The following FER1L5 variants were observed in gnomAD, a reference collection of about 807,000 sequenced individuals.
FER1L5 encodes the protein fer-1-like protein 5.
Under a neutral mutation model 279.9 loss-of-function variants are expected in FER1L5, and 187 were observed. That is an observed-to-expected ratio of 0.67 (90% confidence interval 0.59 to 0.75). The LOEUF is 0.75. Ranked by LOEUF, FER1L5 falls within the 30% of genes least tolerant of loss-of-function variation. The pLI is 0.00. For synonymous variants in FER1L5, 921 were observed against 989.7 expected (o/e 0.93, Z 1.30); for missense variants, 2,091 against 2,594.4 (o/e 0.81, Z 4.21).
Position 96,687,806 on chromosome 2 carries a change from T to C in FER1L5, c.2230-10T>C, listed in dbSNP as rs369289094. On this transcript the variant is annotated splice_polypyrimidine_tract_variant and intron_variant, in intron 23 of 52. Transcript: ENST00000624922. ...AGTGCCCCTGTGGGACCGATCGGCC[T>C]CTGGCTCAGTACCCAGAGGGTGAAG... 6.4e-7 allele frequency: 1 copy of C among 1,551,024 alleles called. No individual in the cohort carries two copies. Among genetic ancestry groups the C allele is most frequent in the East Asian group, 2.4e-5 (1 of 40,908 alleles).
Position 96,702,549 on chromosome 2 carries a change from G to A in FER1L5, c.5256-51G>A. On this transcript the variant is annotated intron_variant, in intron 47 of 52. Transcript: ENST00000624922. This position sits in a 1 kb window ranked among gnomAD's most constrained non-coding sequence, Gnocchi z 4.0. ...AGCCCTTCCCATGGGGCTCCAGCTG[G>A]GGGATGGGGCCAATGCACATGAGCC... 1 of 1,552,266 alleles carries A rather than the reference G, an allele frequency of 6.4e-7. No homozygotes were observed. The highest frequency in any genetic ancestry group is 8.7e-7 in the Non-Finnish European group (1 of 1,147,396).
In FER1L5 at chr2:96,700,054, G is replaced by T. The variant is rs1251683784; in HGVS notation, c.4904G>T (p.Gly1635Val). The T allele has an allele frequency of 6.2e-7, 1 of 1,613,760 alleles. No homozygotes were observed. The highest frequency in any genetic ancestry group is 1.3e-5 in the African/African-American group (1 of 74,930). ...SPEEDAVFYN[G>V]KKFKLQSFEP... ...GAGGAAGATGCTGTTTTCTATAATG[G>T]GAAAAAGTTCAAGCTGCAAAGCTTT... The change falls in exon 44 of 53, where the codon GGG (glycine) becomes GTG (valine). Residue 1635 changes from glycine to valine, a missense_variant. Gly to Val is a moderately radical substitution (Grantham distance 109). Transcript: ENST00000624922.
rs370089046 is a variant in FER1L5, at chr2:96,696,115, T to A, written c.4083+38T>A. 2.5e-5 allele frequency: 40 copies of A among 1,612,806 alleles called. No homozygotes were observed. In the African/African-American group the frequency reaches 5.1e-4, roughly 20 times the overall value. On this transcript the variant is annotated intron_variant, in intron 37 of 52. Transcript: ENST00000624922. ...TGCAGGCCCACCTTCTCCCATACTG[T>A]TGACGGGGTATAACCCTTGGGCCTA...
At chr2:96,688,052 AAGGG>A (rs2076999708) in intron 24 of FER1L5, 105 bp downstream of exon 24, 17 of 1,440,790 alleles carry the variant, frequency 1.2e-5, no homozygotes, top group Non-Finnish European at 1.5e-5. Context: ...TTGGCGTGAG[AAGGG>A]AGGGTGTAGC....
Position 96,694,101 on chromosome 2 carries a change from G to T in FER1L5, c.3636+29G>T. 1 of 1,528,696 alleles carries T rather than the reference G, an allele frequency of 6.5e-7. No homozygotes were observed. 94.7% of individuals were successfully genotyped at this position (1,528,696 alleles called of 1,614,324 possible). ...TTGGGAGAGAGGGCCTGGCTGGGAA[G>T]TGTGGCACTCAGTGCCCCTCCCCGT... is the stretch of plus-strand genomic sequence containing the variant. On this transcript the variant is annotated intron_variant, in intron 33 of 52. Coordinates refer to ENST00000624922, the MANE Select transcript of FER1L5 (RefSeq NM_001293083.2). This position sits in a 1 kb window ranked among gnomAD's most constrained non-coding sequence, Gnocchi z 4.6.
At chr2:96,690,635 A>G in intron 27 of FER1L5, 46 bp downstream of exon 27, 2 of 1,499,578 alleles carry the variant, frequency 1.3e-6, no homozygotes, top group Admixed American at 3.9e-5. Context: ...CCAGGGCCTC[A>G]AAATAACGGC....
intron 23 of FER1L5, 86 bp from the exon 24 acceptor site, chr2:96,687,730 G>C: frequency 6.6e-7 from 1 of 1,521,124 alleles, no homozygotes. Flanking sequence ...AGGGGGGAAG[G>C]GGCAGGTACA....
chr2:96,697,965 G>T, intron 39 of FER1L5, 72 bp from the exon 40 acceptor site: 1 of 1,517,060 alleles, frequency 6.6e-7, no homozygotes. Context: ...TGAGACCTGG[G>T]AGCTGGTGGT....
intron 3 of FER1L5, 22 bp downstream of exon 3, chr2:96,647,177 G>A (rs925485993): frequency 6.5e-7 from 1 of 1,550,322 alleles, no homozygotes; most frequent in Non-Finnish European, 8.7e-7. Flanking sequence ...AGAGGCAGGA[G>A]GAGCCTAGCT....
chr2:96,646,914 G>A lies in FER1L5; in HGVS notation c.139-150G>A, dbSNP rs199596774. The stretch of plus-strand genomic sequence containing the variant: ...CACACCTTGGTGAAAGGTAGCAAAC[G>A]CCATCTCCTGAGGAAATTAGACATG... On this transcript the variant is annotated intron_variant, in intron 2 of 52. Coordinates refer to ENST00000624922, the MANE Select transcript of FER1L5 (RefSeq NM_001293083.2). 1.2e-3 allele frequency: 999 copies of A among 806,724 alleles called. 13 individuals carry two copies. In the African/African-American group the frequency reaches 0.016, roughly 13 times the overall value. 50.0% of individuals were successfully genotyped at this position (806,724 alleles called of 1,614,324 possible).
intron 23 of FER1L5, among the ~76,000 whole-genome samples, chr2:96,687,532 G>C (rs969395869): frequency 2.0e-5 from 3 of 152,190 alleles, no homozygotes; most frequent in Non-Finnish European, 2.9e-5. Flanking sequence ...CCCATAACAA[G>C]CACACAAGGA....
chr2:96,696,008 C>T (rs748034463), intron 36 of FER1L5, 44 bp from the exon 37 acceptor site: 3 of 1,612,850 alleles, frequency 1.9e-6, no homozygotes, highest in Non-Finnish European at 2.5e-6. Flanking sequence ...CCTCCTCAGC[C>T]CTCTCCCCAT....
intron 19 of FER1L5, among the ~76,000 whole-genome samples, chr2:96,677,162 G>T (rs2106614136): frequency 6.6e-6 from 1 of 152,322 alleles, no homozygotes; most frequent in East Asian, 1.9e-4. Flanking sequence ...ATACATTCTG[G>T]AATTGGCTTG....
chr2:96,685,820 C>T, intron 21 of FER1L5, 120 bp from the exon 22 acceptor site: 1 of 1,258,470 alleles, frequency 7.9e-7, no homozygotes. Flanking sequence ...GCCAGGCTAG[C>T]AGCAGATGGG....
At chr2:96,687,237 T>C (rs764668906) in intron 23 of FER1L5, among the ~76,000 whole-genome samples, 6 of 152,130 alleles carry the variant, frequency 3.9e-5, no homozygotes, top group African/African-American at 7.2e-5. Context: ...GCCCATACTC[T>C]CAACAGTAAG....
At chr2:96,663,820 A>C (rs2076034971) in intron 14 of FER1L5, among the ~76,000 whole-genome samples, 1 of 152,172 alleles carries the variant, frequency 6.6e-6, no homozygotes, top group Non-Finnish European at 1.5e-5. Context: ...ACGTGGGCAG[A>C]TCACTTGAGC....
rs1553449027 is a variant in FER1L5 at position 96,659,290 on chromosome 2, T to TTCCTTCCTTCCTTCCTTCCTTCCTTCC, written c.748-1050_748-1049insCCTTCCTTCCTTCCTTCCTTCCTTCCT. Among the ~76,000 whole-genome samples, 9 of 81,028 alleles carry TTCCTTCCTTCCTTCCTTCCTTCCTTCC rather than the reference T, an allele frequency of 1.1e-4. 1 individual carries two copies. In the East Asian group the frequency reaches 1.6e-3, roughly 15 times the overall value. 53.2% of individuals were successfully genotyped at this position (81,028 alleles called of 152,430 possible). A position where few individuals can be genotyped will look rare whatever the true frequency, so the allele number is the denominator to read the frequency against. On this transcript the variant is annotated intron_variant, in intron 9 of 52. Coordinates refer to ENST00000624922, the MANE Select transcript of FER1L5 (RefSeq NM_001293083.2). ...TTTGATGAAGTCCAATTTATCAAGC[T>TTCCTTCCTTCCTTCCTTCCTTCCTTCC]TTCCTTCCTTCCTTCCTTCCTTCCT... is the stretch of plus-strand genomic sequence containing the variant.
At chr2:96,645,572 G>A (rs2075084157) in intron 1 of FER1L5, among the ~76,000 whole-genome samples, 1 of 152,212 alleles carries the variant, frequency 6.6e-6, no homozygotes, top group African/African-American at 2.4e-5. Context: ...CAGATCACTT[G>A]AGTCTGGGAG....
chr2:96,694,076 T>G lies in FER1L5; in HGVS notation c.3636+4T>G. On this transcript the variant is annotated splice_donor_region_variant and intron_variant, in intron 33 of 52. Coordinates refer to ENST00000624922, the MANE Select transcript of FER1L5 (RefSeq NM_001293083.2). The surrounding 1 kb of genome is among the most constrained non-coding windows in gnomAD (Gnocchi z 4.6). ...TGAGCTGATCCTCCAGACTGAGGTA[T>G]TGGGAGAGAGGGCCTGGCTGGGAAG... is the stretch of plus-strand genomic sequence containing the variant. The G allele has an allele frequency of 6.5e-7, 1 of 1,539,148 alleles. No individual in the cohort carries two copies. Among genetic ancestry groups the G allele is most frequent in the Non-Finnish European group, 8.7e-7 (1 of 1,146,306 alleles).
Sources: allele counts gnomAD v4.1 joint callset (sites outside exome capture counted in the v4.1 genomes callset), GRCh38; gene constraint gnomAD v4.1.1; non-coding constraint Gnocchi (gnomAD v3.1); transcripts MANE v1.5; gene names NCBI Gene and HGNC (gene_info 2026-07-23, HGNC 2026-07-21).